MS4A13: variants seen among roughly 807,000 people sequenced by gnomAD.
MS4A13 encodes the protein membrane spanning 4-domains A13, also known as membrane-spanning 4-domains subfamily A member 13.
In MS4A13, 21 loss-of-function variants were observed where a neutral mutation model predicts 18.4. That is an observed-to-expected ratio of 1.14 (90% CI 0.81 to 1.64). The LOEUF is 1.64. Ranked by LOEUF, MS4A13 falls within the 40% of genes most tolerant of loss-of-function variation. The pLI, the probability that MS4A13 is intolerant of heterozygous loss-of-function variation, is 0.00. For missense variants in MS4A13, 173 were observed against 176.8 expected (o/e 0.98, Z 0.12); for synonymous variants, 62 against 57.2 (o/e 1.08, Z -0.38).
intron 6 of MS4A13, among the ~76,000 whole-genome samples, chr11:60,541,227 A>G (rs1203272356): frequency 6.6e-6 from 1 of 152,234 alleles, no homozygotes; most frequent in Non-Finnish European, 1.5e-5. Flanking sequence ...CCTACTAAAA[A>G]TTAAAATGTG....
intron 5 of MS4A13, among the ~76,000 whole-genome samples, chr11:60,527,410 C>CTGTGTGTGTGTGTGTGTGTGTGTG (rs1224398821): frequency 3.8e-4 from 11 of 28,806 alleles, no homozygotes; most frequent in Middle Eastern, 0.038. Context: ...CTCTCTCTCT[C>CTGTGTGTGTGTGTGTGTGTGTGTG]TGTGTGTGTG....
chr11:60,518,354 A>T, intron 3 of MS4A13, 142 bp downstream of exon 3: 1 of 686,712 alleles, frequency 1.5e-6, no homozygotes. Flanking sequence ...ATTCAAAGTC[A>T]GATTCCTTTT....
chr11:60,530,470 G>A (rs1319495918), intron 6 of MS4A13, among the ~76,000 whole-genome samples: 2 of 152,174 alleles, frequency 1.3e-5, no homozygotes, highest in Non-Finnish European at 2.9e-5. Flanking sequence ...GAGGGAATGA[G>A]TTGCATTTCC....
At chr11:60,527,309 G>C (rs2086719886) in intron 5 of MS4A13, among the ~76,000 whole-genome samples, 2 of 148,732 alleles carry the variant, frequency 1.3e-5, no homozygotes, top group Non-Finnish European at 1.5e-5. Flanking sequence ...CTTTACTTAA[G>C]CTGGGTCCAG....
chr11:60,520,673 T>C (rs1293680273), intron 3 of MS4A13, among the ~76,000 whole-genome samples: 2 of 152,206 alleles, frequency 1.3e-5, no homozygotes, highest in Non-Finnish European at 2.9e-5. Flanking sequence ...CTTCACATGG[T>C]GTAGCCCTGA....
chr11:60,526,205 C>T (rs1408678129), intron 5 of MS4A13, among the ~76,000 whole-genome samples: 1 of 151,988 alleles, frequency 6.6e-6, no homozygotes, highest in Non-Finnish European at 1.5e-5. Context: ...GCACTAATAC[C>T]CCAAAATATA....
chr11:60,538,177 T>TTAAAAAAAAAAAAAAAAA (rs60140970), intron 6 of MS4A13, among the ~76,000 whole-genome samples: 8 of 75,118 alleles, frequency 1.1e-4, no homozygotes, highest in South Asian at 4.3e-4. Context: ...TAAAGTATAA[T>TTAAAAAAAAAAAAAAAAA]AAAAAAAAAA....
At chr11:60,530,169 G>A (rs2086755039) in intron 6 of MS4A13, among the ~76,000 whole-genome samples, 2 of 152,184 alleles carry the variant, frequency 1.3e-5, no homozygotes, top group Non-Finnish European at 2.9e-5. Context: ...TATTTACGGA[G>A]AGCATGCTAT....
intron 2 of MS4A13, 49 bp from the exon 3 acceptor site, chr11:60,518,023 G>T: frequency 1.4e-6 from 2 of 1,402,422 alleles, no homozygotes; most frequent in Admixed American, 4.2e-5. Context: ...TATTGGAATT[G>T]TGTTTTAAAT....
chr11:60,529,933 G>A (rs12292008), intron 6 of MS4A13, among the ~76,000 whole-genome samples: 4,769 of 152,184 alleles, frequency 0.031, 111 homozygotes, highest in Middle Eastern at 0.071. Flanking sequence ...TTGGTTTCCA[G>A]TTTTTTCTAA....
In MS4A13 at chr11:60,529,454, C is replaced by T. The variant is rs759892104; in HGVS notation, c.396C>T (p.Ser132=). 4 of 1,587,080 alleles carry T rather than the reference C, an allele frequency of 2.5e-6. No individual in the cohort carries two copies. The highest frequency in any genetic ancestry group is 2.6e-6 in the Non-Finnish European group (3 of 1,164,496). The change falls in exon 6 of 7, where the codon TCC becomes TCT. Residue 132 remains serine, a synonymous_variant. Transcript: ENST00000378186. The stretch of plus-strand genomic sequence containing the variant: ...TTACACACTCAATATACAGCTGTTC[C>T]AATTTGGTAAGTGTTTACCCACTCT... ...IALTHSIYSC[S]NLFRRQNDLT... is the part of the protein sequence containing the mutation.
intron 5 of MS4A13, among the ~76,000 whole-genome samples, chr11:60,529,022 G>A (rs1420242165): frequency 6.6e-6 from 1 of 152,192 alleles, no homozygotes; most frequent in Non-Finnish European, 1.5e-5. Flanking sequence ...TATCATTAGA[G>A]ACAGGAAAGT....
chr11:60,539,189 CA>C (rs33947026), intron 6 of MS4A13, among the ~76,000 whole-genome samples: 54,100 of 131,264 alleles, frequency 0.41, 10,161 homozygotes, highest in Middle Eastern at 0.5. Flanking sequence ...AGTGTTGTTT[CA>C]AAAAAAAAAA....
intron 6 of MS4A13, among the ~76,000 whole-genome samples, chr11:60,531,429 G>A (rs2086766048): frequency 6.6e-6 from 1 of 152,200 alleles, no homozygotes; most frequent in Non-Finnish European, 1.5e-5. Flanking sequence ...CACATACTAA[G>A]GAGACAGGAG....
intron 6 of MS4A13, among the ~76,000 whole-genome samples, chr11:60,540,200 G>T (rs2086845685): frequency 6.6e-6 from 1 of 152,146 alleles, no homozygotes; most frequent in Non-Finnish European, 1.5e-5. Context: ...TAACTACTCA[G>T]CTCCACCTTT....
chr11:60,522,648 GA>G (rs1274923167), intron 3 of MS4A13, among the ~76,000 whole-genome samples: 3 of 151,946 alleles, frequency 2.0e-5, no homozygotes, highest in Admixed American at 2.0e-4. Context: ...GGATTGCCTT[GA>G]AAAAATAGGA....
chr11:60,522,098 A>G (rs377348962), intron 3 of MS4A13, among the ~76,000 whole-genome samples: 49 of 152,152 alleles, frequency 3.2e-4, no homozygotes, highest in East Asian at 2.5e-3. Context: ...TGATTCAATT[A>G]TCTCCCACTG....
chr11:60,527,396 C>CTG (rs1157163515), intron 5 of MS4A13, among the ~76,000 whole-genome samples: 23 of 105,796 alleles, frequency 2.2e-4, no homozygotes, highest in South Asian at 1.0e-3. Flanking sequence ...CTCTCTCTCT[C>CTG]TCTCTCTCTC....
intron 5 of MS4A13, among the ~76,000 whole-genome samples, chr11:60,527,410 C>CTCTCTCTGTGTGTGTGTGTG (rs1555024373): frequency 4.5e-4 from 13 of 28,806 alleles, no homozygotes; most frequent in South Asian, 2.5e-3. Flanking sequence ...CTCTCTCTCT[C>CTCTCTCTGTGTGTGTGTGTG]TGTGTGTGTG....
Sources: allele counts gnomAD v4.1 joint callset (sites outside exome capture counted in the v4.1 genomes callset), GRCh38; gene constraint gnomAD v4.1.1; transcripts MANE v1.5; gene names NCBI Gene and HGNC (gene_info 2026-07-23, HGNC 2026-07-21).